The following SH3PXD2A variants were observed in gnomAD, a reference collection of about 807,000 sequenced individuals.
The protein encoded by SH3PXD2A is SH3 and PX domains 2A.
Under a neutral mutation model 115.2 loss-of-function variants are expected in SH3PXD2A, and 32 were observed. That is an observed-to-expected ratio of 0.28 (90% CI 0.21 to 0.37). SH3PXD2A has a LOEUF of 0.37. Ranked by LOEUF, SH3PXD2A falls within the 10% of genes least tolerant of loss-of-function variation. The probability of loss-of-function intolerance (pLI) is 1.00; values close to 1 mark genes in which losing one functional copy is unlikely to be tolerated. For synonymous variants in SH3PXD2A, 610 were observed against 629.1 expected, an observed-to-expected ratio of 0.97 and a Z score of 0.45; for missense variants, 1,328 against 1,498.7, an observed-to-expected ratio of 0.89 and a Z score of 1.88.
chr10:103,698,383 T>C (rs1321287723), intron 5 of SH3PXD2A, among the ~76,000 whole-genome samples: 3 of 152,240 alleles, frequency 2.0e-5, no homozygotes, highest in Non-Finnish European at 2.9e-5. Context: ...ACACACAAAC[T>C]TCCAGCCTGA....
chr10:103,750,092 G>T (rs1046520706), intron 3 of SH3PXD2A, among the ~76,000 whole-genome samples: 3 of 152,024 alleles, frequency 2.0e-5, no homozygotes, highest in Non-Finnish European at 4.4e-5. Context: ...TTGCTATGTC[G>T]CCCAGGCTGG....
Position 103,687,233 on chromosome 10 carries a change from C to G in SH3PXD2A, c.427+5795G>C, listed in dbSNP as rs907872100. Among the ~76,000 whole-genome samples, 6 of 152,252 alleles carry G rather than the reference C, an allele frequency of 3.9e-5. No homozygotes were observed. The Middle Eastern group carries it at 0.01, about 259-fold the overall frequency. On this transcript the variant is annotated intron_variant, in intron 6 of 14. Transcript: ENST00000369774. ...CTGGGCCTGGGGGTCCAGCCTGCCC[C>G]CTTTCATGACCTGCCATAGGATTTC...
At chr10:103,855,130 G>A in intron 1 of SH3PXD2A, 65 bp downstream of exon 1, 1 of 1,233,918 alleles carries the variant, frequency 8.1e-7, no homozygotes, top group Non-Finnish European at 1.1e-6. Flanking sequence ...AGGGGCAAGG[G>A]GCCATCCGGG....
rs1011687444 is a variant in SH3PXD2A, at chr10:103,595,867, G to A, written c.*5949C>T. On this transcript the variant is annotated 3_prime_UTR_variant, in exon 15 of 15. Coordinates refer to ENST00000369774, the MANE Select transcript of SH3PXD2A (RefSeq NM_001394015.1). ...ACCAGTGTGCCCACCTTATGGCCTGGGGACCCAGGTTTGCAGGAGGGAAGT... is the reference window on the plus strand; with the variant it reads ...ACCAGTGTGCCCACCTTATGGCCTGAGGACCCAGGTTTGCAGGAGGGAAGT... The A allele has an allele frequency of 6.6e-6, 1 of 152,670 alleles. No homozygotes were observed. The highest frequency in any genetic ancestry group is 2.4e-5 in the African/African-American group (1 of 41,446). The allele number at this position is 152,670 out of a possible 1,614,324, so 9.5% of individuals were successfully genotyped here. A position where few individuals can be genotyped will look rare whatever the true frequency, so the allele number is the denominator to read the frequency against.
chr10:103,829,462 G>A (rs1181267525), intron 1 of SH3PXD2A, among the ~76,000 whole-genome samples: 1 of 152,154 alleles, frequency 6.6e-6, no homozygotes, highest in African/African-American at 2.4e-5. Flanking sequence ...TAAAAGGAAG[G>A]ATTTTGTTTG....
intron 4 of SH3PXD2A, among the ~76,000 whole-genome samples, chr10:103,735,105 G>A (rs1277801440): frequency 6.6e-6 from 1 of 152,228 alleles, no homozygotes; most frequent in Non-Finnish European, 1.5e-5. Context: ...TCATCCTCTG[G>A]TAGCCACTCA....
In SH3PXD2A at chr10:103,627,948, A is replaced by G; in HGVS notation, c.605-746T>C. On this transcript the variant is annotated intron_variant, in intron 8 of 14. Transcript: ENST00000369774. This position sits in a 1 kb window ranked among gnomAD's most constrained non-coding sequence, Gnocchi z 4.4. ...TTCCCTGACACTTCTTTGCCCCCAA[A>G]AGTGATTTGGTACTGATTCTCTTTT... is the stretch of plus-strand genomic sequence containing the variant. Among the ~76,000 whole-genome samples the G allele has an allele frequency of 6.6e-6, 1 of 152,240 alleles. No homozygotes were observed. The highest frequency in any genetic ancestry group is 6.5e-5 in the Admixed American group (1 of 15,304).
In SH3PXD2A at chr10:103,598,280, T is replaced by G. The variant is rs1011305607; in HGVS notation, c.*3536A>C. 2.0e-5 allele frequency: 3 copies of G among 152,242 alleles called. No individual in the cohort carries two copies. The highest frequency in any genetic ancestry group is 4.4e-5 in the Non-Finnish European group (3 of 68,000). The allele number at this position is 152,242 out of a possible 1,614,324, so 9.4% of individuals were successfully genotyped here. The stretch of plus-strand genomic sequence containing the variant: ...CATGGGGCACACCTGCTGCTCAGGG[T>G]TGCCCCTTTCCAGCTCTCTCTCACT... On this transcript the variant is annotated 3_prime_UTR_variant, in exon 15 of 15. Transcript: ENST00000369774.
At chr10:103,841,028 A>G (rs1401155432) in intron 1 of SH3PXD2A, among the ~76,000 whole-genome samples, 1 of 152,226 alleles carries the variant, frequency 6.6e-6, no homozygotes, top group Non-Finnish European at 1.5e-5. Context: ...TGAGAATCTT[A>G]ACACCATTTA....
intron 9 of SH3PXD2A, among the ~76,000 whole-genome samples, chr10:103,622,877 C>T (rs563431343): frequency 7.2e-5 from 11 of 152,216 alleles, no homozygotes; most frequent in Non-Finnish European, 1.6e-4. Flanking sequence ...AAGACAGCCC[C>T]TCAGCTACAG....
At chr10:103,653,155 A>G (rs538601231) in intron 8 of SH3PXD2A, among the ~76,000 whole-genome samples, 4 of 152,262 alleles carry the variant, frequency 2.6e-5, no homozygotes, top group East Asian at 1.9e-4. Flanking sequence ...TACTTGTCAC[A>G]TGTCTCTTCG....
intron 1 of SH3PXD2A, among the ~76,000 whole-genome samples, chr10:103,852,306 G>C (rs1424354148): frequency 6.6e-6 from 1 of 152,240 alleles, no homozygotes; most frequent in Non-Finnish European, 1.5e-5. Context: ...TTCGTGTTCA[G>C]GCAGCTCCCC....
intron 5 of SH3PXD2A, among the ~76,000 whole-genome samples, chr10:103,721,821 AG>A (rs1159633162): frequency 6.6e-6 from 1 of 152,158 alleles, no homozygotes; most frequent in Non-Finnish European, 1.5e-5. Flanking sequence ...AGGAAGGGGC[AG>A]GAGCGCAGAC....
intron 2 of SH3PXD2A, among the ~76,000 whole-genome samples, chr10:103,771,729 CG>C (rs914418754): frequency 7.1e-6 from 1 of 141,224 alleles, no homozygotes; most frequent in African/African-American, 2.7e-5. Flanking sequence ...AGCGAGACTC[CG>C]TCAAAACAAC....
chr10:103,828,302 G>C (rs910580694), intron 1 of SH3PXD2A, among the ~76,000 whole-genome samples: 1 of 152,156 alleles, frequency 6.6e-6, no homozygotes, highest in Non-Finnish European at 1.5e-5. Context: ...GATGATTCAT[G>C]AACAACATTC....
chr10:103,603,724 G>A lies in SH3PXD2A; in HGVS notation c.1494C>T (p.Pro498=), dbSNP rs1269385041. The A allele has an allele frequency of 9.9e-6, 16 of 1,610,686 alleles. No homozygotes were observed. The highest frequency in any genetic ancestry group is 2.7e-5 in the African/African-American group (2 of 74,834). ...VQIGEKEGWA[P]ASYIDKRKKP... is the part of the protein sequence containing the mutation. ...TCTTGCGCTTATCGATGTATGATGC[G>A]GGGGCCCAGCCCTCCTTCTCACCGA... Residue 498 remains proline (P), a synonymous_variant, in exon 15 of 15, where the codon CCC becomes CCT. Coordinates refer to ENST00000369774, the MANE Select transcript of SH3PXD2A (RefSeq NM_001394015.1).
intron 1 of SH3PXD2A, among the ~76,000 whole-genome samples, chr10:103,839,924 C>G (rs56305133): frequency 5.8e-4 from 89 of 152,358 alleles, no homozygotes; most frequent in African/African-American, 2.1e-3. Flanking sequence ...GGGCAGCCAC[C>G]AGGCCTGGGA....
At chr10:103,622,891 C>T (rs2036629015) in intron 9 of SH3PXD2A, among the ~76,000 whole-genome samples, 1 of 152,184 alleles carries the variant, frequency 6.6e-6, no homozygotes, top group Admixed American at 6.5e-5. Context: ...GCTACAGCCT[C>T]CAGGGATGGT....
intron 14 of SH3PXD2A, among the ~76,000 whole-genome samples, chr10:103,605,017 C>G (rs1276186786): frequency 6.6e-6 from 1 of 152,190 alleles, no homozygotes; most frequent in South Asian, 2.1e-4. Flanking sequence ...CAAAGCCACT[C>G]AGAGAATTGA....
Sources: allele counts gnomAD v4.1 joint callset (sites outside exome capture counted in the v4.1 genomes callset), GRCh38; gene constraint gnomAD v4.1.1; non-coding constraint Gnocchi (gnomAD v3.1); transcripts MANE v1.5; gene names NCBI Gene and HGNC (gene_info 2026-07-23, HGNC 2026-07-21).